Variants in KIAA2012 observed in about 807,000 individuals in gnomAD.
The protein encoded by KIAA2012 is uncharacterized protein KIAA2012.
Under a neutral mutation model 150.6 loss-of-function variants are expected in KIAA2012, and 125 were observed. That is an observed-to-expected ratio of 0.83 (90% CI 0.72 to 0.96). The LOEUF is 0.96. KIAA2012 is among the 40% of genes least tolerant of loss of function. The pLI is 0.00. For missense variants in KIAA2012, 1,219 were observed against 1,354.9 expected, an observed-to-expected ratio of 0.90 and a Z score of 1.57; for synonymous variants, 462 against 504.7, an observed-to-expected ratio of 0.92 and a Z score of 1.13.
At chr2:202,200,423 T>A (rs1241591013) in intron 22 of KIAA2012, among the ~76,000 whole-genome samples, 1 of 152,092 alleles carries the variant, frequency 6.6e-6, no homozygotes, top group Non-Finnish European at 1.5e-5. Flanking sequence ...AGTAACGGGA[T>A]CTGTGCTTGG....
intron 15 of KIAA2012, among the ~76,000 whole-genome samples, chr2:202,167,659 T>C (rs75324624): frequency 0.029 from 4,361 of 152,096 alleles, 83 homozygotes; most frequent in Non-Finnish European, 0.045. Context: ...CCCCTCCCCA[T>C]GCCCTGCATC....
chr2:202,197,353 A>T (rs1692433331), intron 22 of KIAA2012: 1 of 341,214 alleles, frequency 2.9e-6, no homozygotes, highest in Non-Finnish European at 5.4e-6. Context: ...CAGATCTAAG[A>T]CCCCCTGATT....
In KIAA2012 at chr2:202,163,801, TTTTTTTTC is replaced by T. The variant is rs1170498058; in HGVS notation, c.2047-1482_2047-1475del. On this transcript the variant is annotated intron_variant, in intron 14 of 23. Transcript: ENST00000498697. ...AGGGAATTTTTTTTTTTTTTTTTTT[TTTTTTTTC>T]CTGTACCAGGCCAAATTGACTTTGT... 3.1e-3 allele frequency among the ~76,000 whole-genome samples: 291 copies of T among 94,832 alleles called. 6 individuals are homozygous for T. The highest frequency in any genetic ancestry group is 0.011 in the African/African-American group (272 of 25,526). 62.2% of individuals were successfully genotyped at this position (94,832 alleles called of 152,430 possible). A position where few individuals can be genotyped will look rare whatever the true frequency, so the allele number is the denominator to read the frequency against.
rs763746288 is a variant in KIAA2012, at chr2:202,093,116, C to T, written c.616C>T (p.Pro206Ser). ...GCCACAACAAGATCTTTCAGGTGTACCCCCAAAATACCATCTCCTGCCTGT... is the reference window on the plus strand; with the variant it reads ...GCCACAACAAGATCTTTCAGGTGTATCCCCAAAATACCATCTCCTGCCTGT... The part of the protein sequence containing the change: ...LRPQQDLSGV[P>S]PKYHLLPVFP... Residue 206 changes from proline to serine, a missense_variant, in exon 4 of 24, where the codon CCC becomes TCC. Coordinates refer to ENST00000498697, the MANE Select transcript of KIAA2012 (RefSeq NM_001277372.4). The T allele has an allele frequency of 3.2e-6, 5 of 1,550,840 alleles. No individual in the cohort carries two copies. The highest frequency in any genetic ancestry group is 3.5e-6 in the Non-Finnish European group (4 of 1,147,018).
intron 4 of KIAA2012, among the ~76,000 whole-genome samples, chr2:202,096,324 AC>A (rs199734458): frequency 0.032 from 4,820 of 152,204 alleles, 91 homozygotes; most frequent in Middle Eastern, 0.075. Flanking sequence ...GCCCTGGGTC[AC>A]CTCATATTAA....
intron 14 of KIAA2012, among the ~76,000 whole-genome samples, chr2:202,162,365 G>C (rs9288326): frequency 0.76 from 115,839 of 151,668 alleles, 44,589 homozygotes; most frequent in East Asian, 0.88. Context: ...ACCTCCGCCT[G>C]CTGGGTTCAA....
chr2:202,185,490 C>T (rs1400023553), intron 16 of KIAA2012, among the ~76,000 whole-genome samples: 6 of 152,020 alleles, frequency 3.9e-5, no homozygotes, highest in Admixed American at 1.3e-4. Flanking sequence ...TTTTGTGTTC[C>T]CCAGGAATAA....
chr2:202,088,015 A>T (rs1256986693), intron 2 of KIAA2012, among the ~76,000 whole-genome samples: 3 of 151,772 alleles, frequency 2.0e-5, no homozygotes, highest in Non-Finnish European at 2.9e-5. Flanking sequence ...AAAAAAAAGT[A>T]TAACAACTAT....
At chr2:202,109,131 AACT>A (rs979396495) in intron 9 of KIAA2012, among the ~76,000 whole-genome samples, 33 of 152,202 alleles carry the variant, frequency 2.2e-4, no homozygotes, top group Admixed American at 9.8e-4. Flanking sequence ...TGCCTAGCAC[AACT>A]ACTTTTTGTT....
Position 202,193,487 on chromosome 2 carries a change from C to T in KIAA2012, c.2998C>T (p.Arg1000Cys), listed in dbSNP as rs535904400. 20 of 1,550,030 alleles carry T rather than the reference C, an allele frequency of 1.3e-5. No homozygotes were observed. Among genetic ancestry groups the T allele is most frequent in the Middle Eastern group, 1.7e-4 (1 of 5,902 alleles). The change falls in exon 20 of 24, where the codon CGT becomes TGT. Residue 1000 changes from arginine to cysteine, a missense_variant. Arg to Cys is a radical substitution (Grantham distance 180). Transcript: ENST00000498697. ...GGAGCTGGAGCTGGAGCAGCAGAGA[C>T]GTACAGAAGAGATCCGGTAGGTTGG... is the stretch of plus-strand genomic sequence containing the variant. ...EEELELEQQR[R>C]TEEIRLRKQR...
intron 18 of KIAA2012, among the ~76,000 whole-genome samples, chr2:202,188,712 C>T (rs1692275264): frequency 6.6e-6 from 1 of 152,148 alleles, no homozygotes; most frequent in Non-Finnish European, 1.5e-5. Context: ...CTATTTGACT[C>T]CCAGCAGATT....
At chr2:202,101,847 T>G (rs142495702) in intron 7 of KIAA2012, among the ~76,000 whole-genome samples, 2 of 152,324 alleles carry the variant, frequency 1.3e-5, no homozygotes, top group African/African-American at 4.8e-5. Flanking sequence ...TAGATTTGGT[T>G]GAATTTCCTT....
At chr2:202,189,294 C>T (rs1052752655) in intron 18 of KIAA2012, among the ~76,000 whole-genome samples, 1 of 151,398 alleles carries the variant, frequency 6.6e-6, no homozygotes, top group African/African-American at 2.4e-5. Flanking sequence ...TGAAATAGAA[C>T]CTTTTTTTTT....
chr2:202,178,639 GA>G (rs1692047825), intron 15 of KIAA2012: 1 of 152,604 alleles, frequency 6.6e-6, no homozygotes, highest in Admixed American at 6.5e-5. Flanking sequence ...GTTAAGGAAA[GA>G]AATACTCACA....
Position 202,109,752 on chromosome 2 carries a change from C to T in KIAA2012, c.1614C>T (p.Asn538=). 6.5e-7 allele frequency: 1 copy of T among 1,550,226 alleles called. No homozygotes were observed. Among genetic ancestry groups the T allele is most frequent in the Admixed American group, 2.0e-5 (1 of 50,994 alleles). ...SDHNSPPSLP[N]MRVPRRALPA... ...ACAACAGCCCCCCAAGTCTCCCGAA[C>T]ATGAGAGTGCCCAGGAGGGCACTGC... Residue 538 remains asparagine (N), a synonymous_variant, in exon 10 of 24, where the codon AAC becomes AAT. Transcript: ENST00000498697.
At chr2:202,125,581 A>C (rs566311785) in intron 12 of KIAA2012, among the ~76,000 whole-genome samples, 4 of 152,062 alleles carry the variant, frequency 2.6e-5, no homozygotes, top group Non-Finnish European at 5.9e-5. Flanking sequence ...TGGGTCCTGC[A>C]GGTAATCCAC....
intron 13 of KIAA2012, among the ~76,000 whole-genome samples, chr2:202,139,769 A>G (rs1030798685): frequency 6.6e-6 from 1 of 152,210 alleles, no homozygotes; most frequent in African/African-American, 2.4e-5. Flanking sequence ...TACGGGATCT[A>G]GAGACAGAGT....
rs986252545 is a variant in KIAA2012, at chr2:202,104,091, T to TAACG, written c.1324+978_1324+981dup. Among the ~76,000 whole-genome samples the TAACG allele has an allele frequency of 3.3e-5, 5 of 152,274 alleles. No individual in the cohort carries two copies. The highest frequency in any genetic ancestry group is 1.2e-4 in the African/African-American group (5 of 41,554). Reference sequence around the variant, plus strand: ...TGGACTTCTTACTGGAAAGAATGCCTAACGGTGGAGCTTAAAAGACCAATG... The same window carrying TAACG: ...TGGACTTCTTACTGGAAAGAATGCCTAACGAACGGTGGAGCTTAAAAGACCAATG... On this transcript the variant is annotated intron_variant, in intron 8 of 23. Transcript: ENST00000498697. This position sits in a 1 kb window ranked among gnomAD's most constrained non-coding sequence, Gnocchi z 4.3.
At chr2:202,140,393 C>T (rs1691174886) in intron 13 of KIAA2012, among the ~76,000 whole-genome samples, 1 of 152,254 alleles carries the variant, frequency 6.6e-6, no homozygotes, top group South Asian at 2.1e-4. Flanking sequence ...CATGCACCTG[C>T]CTCCTTTGTG....
Sources: allele counts gnomAD v4.1 joint callset (sites outside exome capture counted in the v4.1 genomes callset), GRCh38; gene constraint gnomAD v4.1.1; non-coding constraint Gnocchi (gnomAD v3.1); transcripts MANE v1.5; gene names NCBI Gene and HGNC (gene_info 2026-07-23, HGNC 2026-07-21).